The following ERBB4 variants were observed in gnomAD, a reference collection of about 807,000 sequenced individuals.
The protein encoded by ERBB4 is erb-b2 receptor tyrosine kinase 4.
In ERBB4, 42 loss-of-function variants were observed where a neutral mutation model predicts 158.0. The ratio of observed to expected loss-of-function variants is 0.27; its 90% CI spans 0.21 to 0.34. The LOEUF (loss-of-function observed/expected upper bound fraction) is 0.34, where lower values mean the gene tolerates loss of function less well. Among genes scored for constraint, ERBB4 ranks in the 10% least tolerant of loss-of-function variants. The pLI, the probability that ERBB4 is intolerant of heterozygous loss-of-function variation, is 1.00. For missense variants in ERBB4, 1,333 were observed against 1,624.1 expected (o/e 0.82, Z 3.08); for synonymous variants, 583 against 558.7 (o/e 1.04, Z -0.61).
chr2:212,018,412 C>T (rs2076574969), intron 2 of ERBB4, among the ~76,000 whole-genome samples: 1 of 152,118 alleles, frequency 6.6e-6, no homozygotes, highest in East Asian at 1.9e-4. Context: ...GAGTCACTTA[C>T]CAAATGTGAC....
intron 2 of ERBB4, among the ~76,000 whole-genome samples, chr2:212,109,093 T>C (rs1455095209): frequency 1.3e-5 from 2 of 152,164 alleles, no homozygotes; most frequent in African/African-American, 4.8e-5. Flanking sequence ...TGGGAATGTA[T>C]ATAAGAAACA....
chr2:211,982,986 A>C (rs2081845614), intron 2 of ERBB4, among the ~76,000 whole-genome samples: 1 of 152,192 alleles, frequency 6.6e-6, no homozygotes, highest in Admixed American at 6.6e-5. Flanking sequence ...ACTTTTTAAA[A>C]ATGTTATATA....
At chr2:211,725,273 T>C in intron 5 of ERBB4, 79 bp from the exon 6 acceptor site, 1 of 1,043,936 alleles carries the variant, frequency 9.6e-7, no homozygotes, top group South Asian at 1.3e-5. Flanking sequence ...GAGTGACAAT[T>C]TCTCACCCTG....
chr2:212,468,114 G>A (rs1245945767), intron 1 of ERBB4, among the ~76,000 whole-genome samples: 5 of 152,160 alleles, frequency 3.3e-5, no homozygotes, highest in African/African-American at 9.7e-5. Context: ...TCTAGGAAGT[G>A]ACTAACTTGC....
intron 15 of ERBB4, 129 bp from the exon 16 acceptor site, chr2:211,657,957 T>G (rs760460796): frequency 1.9e-5 from 31 of 1,606,724 alleles, no homozygotes; most frequent in Admixed American, 5.0e-5. Flanking sequence ...TACCTATCCA[T>G]CAGGCCGATG....
At chr2:212,103,727 T>A (rs2079147353) in intron 2 of ERBB4, among the ~76,000 whole-genome samples, 1 of 152,038 alleles carries the variant, frequency 6.6e-6, no homozygotes, top group African/African-American at 2.4e-5. Flanking sequence ...TTTCATTTTT[T>A]TTTTTTACAA....
intron 3 of ERBB4, among the ~76,000 whole-genome samples, chr2:211,870,270 G>A (rs555965418): frequency 2.9e-4 from 44 of 152,024 alleles, no homozygotes; most frequent in African/African-American, 1.0e-3. Flanking sequence ...AAGTACAAGT[G>A]GCCATAAAAA....
intron 1 of ERBB4, among the ~76,000 whole-genome samples, chr2:212,423,958 A>C (rs750528367): frequency 6.6e-6 from 1 of 152,150 alleles, no homozygotes; most frequent in African/African-American, 2.4e-5. Context: ...AACCTAAATA[A>C]CTTTTTGGAA....
At chr2:212,303,979 C>T (rs1468185501) in intron 1 of ERBB4, among the ~76,000 whole-genome samples, 1 of 151,556 alleles carries the variant, frequency 6.6e-6, no homozygotes, top group Admixed American at 6.6e-5. Context: ...AATTTTTCAA[C>T]TCAAGAAGTA....
chr2:212,316,657 T>C (rs1035793602), intron 1 of ERBB4, among the ~76,000 whole-genome samples: 19 of 151,454 alleles, frequency 1.3e-4, no homozygotes, highest in African/African-American at 4.4e-4. Context: ...CTGAGCGAAA[T>C]TGCTTGTTTA....
chr2:212,071,554 C>T (rs2078118782), intron 2 of ERBB4, among the ~76,000 whole-genome samples: 1 of 151,958 alleles, frequency 6.6e-6, no homozygotes, highest in Non-Finnish European at 1.5e-5. Flanking sequence ...AATCTTCTAT[C>T]ACCATTGAAA....
chr2:211,894,416 T>G (rs1575333809), intron 3 of ERBB4, among the ~76,000 whole-genome samples: 8 of 97,760 alleles, frequency 8.2e-5, no homozygotes, highest in South Asian at 3.9e-4. Context: ...TGTGGTGGGG[T>G]GGGGGGAGGG....
chr2:211,543,533 T>C (rs2066866989), intron 20 of ERBB4, among the ~76,000 whole-genome samples: 1 of 152,014 alleles, frequency 6.6e-6, no homozygotes, highest in Non-Finnish European at 1.5e-5. Context: ...ATGTTGCATT[T>C]TATAAAGGAC....
At chr2:211,574,578 C>T (rs1002418138) in intron 19 of ERBB4, among the ~76,000 whole-genome samples, 2 of 152,114 alleles carry the variant, frequency 1.3e-5, no homozygotes, top group Non-Finnish European at 2.9e-5. Context: ...AACAGCATTT[C>T]AGAATTGATG....
At chr2:211,618,661 T>G (rs2069482910) in intron 19 of ERBB4, among the ~76,000 whole-genome samples, 1 of 152,134 alleles carries the variant, frequency 6.6e-6, no homozygotes, top group Admixed American at 6.6e-5. Context: ...AGTAAATTAT[T>G]ATTTGTGAAT....
intron 1 of ERBB4, among the ~76,000 whole-genome samples, chr2:212,493,241 C>A (rs1479205640): frequency 6.6e-6 from 1 of 151,344 alleles, no homozygotes; most frequent in African/African-American, 2.4e-5. Flanking sequence ...ATACACAACA[C>A]ACATATAAAT....
At chr2:211,936,376 T>G (rs2125110289) in intron 3 of ERBB4, among the ~76,000 whole-genome samples, 1 of 151,982 alleles carries the variant, frequency 6.6e-6, no homozygotes, top group Non-Finnish European at 1.5e-5. Context: ...AAAATGAAAC[T>G]GAGTAAATTG....
intron 5 of ERBB4, among the ~76,000 whole-genome samples, chr2:211,738,521 C>A (rs181886611): frequency 6.6e-6 from 1 of 151,836 alleles, no homozygotes; most frequent in Non-Finnish European, 1.5e-5. Context: ...GGTGTCTCTG[C>A]CACCACACTC....
At position 211,732,620 on chromosome 2, in the gene ERBB4, A is replaced by T. The variant is rs77249013; in HGVS notation, c.623-7426T>A. On this transcript the variant is annotated intron_variant, in intron 5 of 27. Coordinates refer to ENST00000342788, the MANE Select transcript of ERBB4 (RefSeq NM_005235.3). ...CATTCCCCTGGAAAACATAGCAAAT[A>T]GCTGTACAGTCGCTACTGAAATTGA... Among the ~76,000 whole-genome samples the T allele has an allele frequency of 8.1e-3, 1,230 of 152,312 alleles. 15 individuals carry two copies. Among genetic ancestry groups the T allele is most frequent in the African/African-American group, 0.028 (1,166 of 41,556 alleles).
Sources: allele counts gnomAD v4.1 joint callset (sites outside exome capture counted in the v4.1 genomes callset), GRCh38; gene constraint gnomAD v4.1.1; transcripts MANE v1.5; gene names NCBI Gene and HGNC (gene_info 2026-07-23, HGNC 2026-07-21).